The following HMGCLL1 variants were observed in gnomAD, a reference collection of about 807,000 sequenced individuals.
HMGCLL1 encodes the protein 3-hydroxy-3-methylglutaryl-CoA lyase like 1.
In HMGCLL1, 36 loss-of-function variants were observed where a neutral mutation model predicts 39.1. That is an observed-to-expected ratio of 0.92 (90% confidence interval 0.71 to 1.22). HMGCLL1 has a LOEUF of 1.22. HMGCLL1 is among the 50% of genes most tolerant of loss of function. HMGCLL1 has a pLI of 0.00. For synonymous variants in HMGCLL1, 149 were observed against 144.0 expected, an observed-to-expected ratio of 1.03 and a Z score of -0.25; for missense variants, 451 against 416.5, an observed-to-expected ratio of 1.08 and a Z score of -0.72.
chr6:55,646,215 G>C, the HMGCLL1 span, among the ~76,000 whole-genome samples: 2 of 151,590 alleles, frequency 1.3e-5, no homozygotes, highest in Non-Finnish European at 3.0e-5. Context: ...TGATCTTTTT[G>C]ATTTCTGCAG....
At chr6:55,616,413 T>C in the HMGCLL1 span, among the ~76,000 whole-genome samples, 1 of 152,078 alleles carries the variant, frequency 6.6e-6, no homozygotes, top group Non-Finnish European at 1.5e-5. Flanking sequence ...ACCTGTATCA[T>C]CCAGCTACCA....
chr6:55,523,908 A>G (rs1768170576), intron 3 of HMGCLL1, among the ~76,000 whole-genome samples: 1 of 151,986 alleles, frequency 6.6e-6, no homozygotes. Context: ...GGAAATTTTC[A>G]TCTATCAAAA....
chr6:55,456,924 G>C (rs948981660), intron 7 of HMGCLL1, among the ~76,000 whole-genome samples: 1 of 152,188 alleles, frequency 6.6e-6, no homozygotes, highest in African/African-American at 2.4e-5. Context: ...CTCAGTTGGT[G>C]AGCAAGTTGA....
At chr6:55,642,965 A>C in the HMGCLL1 span, among the ~76,000 whole-genome samples, 1 of 152,120 alleles carries the variant, frequency 6.6e-6, no homozygotes, top group Admixed American at 6.6e-5. Context: ...TGCAAAGAAC[A>C]TGATCTTATT....
chr6:55,664,660 C>T, the HMGCLL1 span, among the ~76,000 whole-genome samples: 3 of 151,608 alleles, frequency 2.0e-5, no homozygotes, highest in South Asian at 2.1e-4. Flanking sequence ...TAACAATTTC[C>T]GTGGGTCAGG....
At chr6:55,494,623 C>G (rs942024095) in intron 7 of HMGCLL1, among the ~76,000 whole-genome samples, 13 of 152,082 alleles carry the variant, frequency 8.5e-5, no homozygotes, top group Non-Finnish European at 1.0e-4. Context: ...CAACTGTATA[C>G]TTTAGGACTG....
At chr6:55,549,971 G>C (rs1215472296) in intron 1 of HMGCLL1, among the ~76,000 whole-genome samples, 2 of 151,786 alleles carry the variant, frequency 1.3e-5, no homozygotes, top group African/African-American at 4.9e-5. Context: ...TCAAAATACA[G>C]CTTTATGTAA....
chr6:55,649,032 A>G, the HMGCLL1 span, among the ~76,000 whole-genome samples: 3 of 152,082 alleles, frequency 2.0e-5, no homozygotes, highest in South Asian at 4.1e-4. Context: ...TTATTGTACT[A>G]TACATGACTT....
intron 1 of HMGCLL1, among the ~76,000 whole-genome samples, chr6:55,557,374 G>A (rs536778431): frequency 1.5e-4 from 23 of 152,034 alleles, no homozygotes; most frequent in Non-Finnish European, 2.5e-4. Context: ...GCCTGGCAGC[G>A]CGTCTGTGCT....
chr6:55,588,595 A>C, the HMGCLL1 span, among the ~76,000 whole-genome samples: 1 of 151,992 alleles, frequency 6.6e-6, no homozygotes, highest in African/African-American at 2.4e-5. Flanking sequence ...AAAACCCTTT[A>C]AAAAAATCAA....
intron 7 of HMGCLL1, among the ~76,000 whole-genome samples, chr6:55,471,085 A>G (rs980228670): frequency 2.0e-5 from 3 of 151,798 alleles, no homozygotes; most frequent in Admixed American, 1.3e-4. Flanking sequence ...TCTGTCCCAG[A>G]AAATTCTGCA....
chr6:55,678,834 CACAG>C, the HMGCLL1 span, among the ~76,000 whole-genome samples: 1 of 152,078 alleles, frequency 6.6e-6, no homozygotes, highest in African/African-American at 2.4e-5. Context: ...AATGAAAGGG[CACAG>C]ACAGATTCCC....
rs543374578 is a variant in HMGCLL1, at chr6:55,528,412, G to T, written c.298-11809C>A. ...TCAGTAATGAGAAAAAATGAGACTAGAGCTCTTCCTGACAACCCTGGGTGA... is the reference window on the plus strand; with the variant it reads ...TCAGTAATGAGAAAAAATGAGACTATAGCTCTTCCTGACAACCCTGGGTGA... On this transcript the variant is annotated intron_variant, in intron 3 of 8. Transcript: ENST00000274901. Among the ~76,000 whole-genome samples the T allele has an allele frequency of 3.3e-5, 5 of 152,098 alleles. 1 individual carries two copies. The highest frequency in any genetic ancestry group is 1.2e-4 in the African/African-American group (5 of 41,502).
chr6:55,464,371 T>C (rs1219700108), intron 7 of HMGCLL1, among the ~76,000 whole-genome samples: 1 of 152,134 alleles, frequency 6.6e-6, no homozygotes, highest in Non-Finnish European at 1.5e-5. Context: ...TAATGTGACT[T>C]TTAGTGGTTT....
At chr6:55,505,747 T>C (rs1767122770) in intron 5 of HMGCLL1, among the ~76,000 whole-genome samples, 1 of 151,860 alleles carries the variant, frequency 6.6e-6, no homozygotes, top group South Asian at 2.1e-4. Flanking sequence ...TATAGTTTTG[T>C]TCCTAAAGCT....
chr6:55,475,135 G>C (rs1262679828), intron 7 of HMGCLL1, among the ~76,000 whole-genome samples: 1 of 151,496 alleles, frequency 6.6e-6, no homozygotes, highest in East Asian at 1.9e-4. Context: ...TCTATTGTGG[G>C]CTGGAGAATG....
chr6:55,659,746 CTG>C, the HMGCLL1 span, among the ~76,000 whole-genome samples: 11 of 151,976 alleles, frequency 7.2e-5, no homozygotes, highest in African/African-American at 2.6e-4. Flanking sequence ...TCACTTTATG[CTG>C]TATTCAGCAC....
chr6:55,553,373 G>A (rs886802035), intron 1 of HMGCLL1, among the ~76,000 whole-genome samples: 3 of 151,794 alleles, frequency 2.0e-5, no homozygotes, highest in African/African-American at 7.3e-5. Context: ...AGGAGGCGGA[G>A]GTTGTGGTGA....
chr6:55,573,646 A>G (rs1771627338), intron 1 of HMGCLL1, among the ~76,000 whole-genome samples: 1 of 152,108 alleles, frequency 6.6e-6, no homozygotes, highest in African/African-American at 2.4e-5. Flanking sequence ...TTGAATACGG[A>G]GAAGAAAAGA....
Sources: allele counts gnomAD v4.1 joint callset (sites outside exome capture counted in the v4.1 genomes callset), GRCh38; gene constraint gnomAD v4.1.1; transcripts MANE v1.5; gene names NCBI Gene and HGNC (gene_info 2026-07-23, HGNC 2026-07-21).